STK39: variants seen among roughly 807,000 people sequenced by gnomAD.
STK39 encodes STE20/SPS1-related proline-alanine-rich protein kinase.
In STK39, 20 loss-of-function variants were observed where a neutral mutation model predicts 77.8. The observed-to-expected ratio is 0.26, with a 90% CI of 0.18 to 0.37. The LOEUF (loss-of-function observed/expected upper bound fraction) is 0.37. Ranked by LOEUF, STK39 falls within the 10% of genes least tolerant of loss-of-function variation. The probability of loss-of-function intolerance (pLI) is 1.00; values close to 1 mark genes in which losing one functional copy is unlikely to be tolerated. For missense variants in STK39, 479 were observed against 656.5 expected (o/e 0.73, Z 2.95); for synonymous variants, 246 against 234.1 (o/e 1.05, Z -0.47).
intron 2 of STK39, among the ~76,000 whole-genome samples, chr2:168,176,211 T>C (rs1322063624): frequency 6.6e-6 from 1 of 152,186 alleles, no homozygotes; most frequent in Non-Finnish European, 1.5e-5. Flanking sequence ...AATCACTATC[T>C]TTCTAGAATA....
At chr2:168,090,890 C>T (rs919672263) in intron 10 of STK39, among the ~76,000 whole-genome samples, 13 of 152,112 alleles carry the variant, frequency 8.5e-5, no homozygotes, top group Non-Finnish European at 1.3e-4. Flanking sequence ...GGGCCTTCCT[C>T]TAAGTATCTT....
chr2:168,068,493 T>C (rs976408796), intron 12 of STK39, among the ~76,000 whole-genome samples: 1 of 152,204 alleles, frequency 6.6e-6, no homozygotes, highest in Non-Finnish European at 1.5e-5. Flanking sequence ...TGGGGCTTAG[T>C]TGACAGTCAC....
chr2:168,235,810 T>C (rs1349660648), intron 1 of STK39, among the ~76,000 whole-genome samples: 1 of 152,120 alleles, frequency 6.6e-6, no homozygotes, highest in Non-Finnish European at 1.5e-5. Flanking sequence ...CTGCATAGTA[T>C]TCCATGGTGT....
chr2:168,161,319 TG>T (rs1688567738), intron 5 of STK39, among the ~76,000 whole-genome samples: 1 of 152,208 alleles, frequency 6.6e-6, no homozygotes, highest in African/African-American at 2.4e-5. Context: ...CTACCAGCTT[TG>T]TCAAGAATAG....
chr2:167,991,480 T>A (rs1427415640), intron 16 of STK39, among the ~76,000 whole-genome samples: 2 of 152,256 alleles, frequency 1.3e-5, no homozygotes, highest in East Asian at 1.9e-4. Context: ...ATGGGAATAT[T>A]CAAGAGCAAT....
At chr2:167,980,886 C>A (rs7584153) in intron 16 of STK39, among the ~76,000 whole-genome samples, 3 of 149,056 alleles carry the variant, frequency 2.0e-5, no homozygotes, top group African/African-American at 5.0e-5. Flanking sequence ...ATTTCTTCTT[C>A]TTCTTTTTTT....
chr2:168,223,745 C>A (rs1483684389), intron 1 of STK39, among the ~76,000 whole-genome samples: 1 of 151,990 alleles, frequency 6.6e-6, no homozygotes, highest in Non-Finnish European at 1.5e-5. Flanking sequence ...CCAACCCTCG[C>A]AGGAATGAGG....
chr2:168,138,322 A>C (rs1687890320), intron 7 of STK39, 101 bp from the exon 8 acceptor site: 1 of 1,424,468 alleles, frequency 7.0e-7, no homozygotes, highest in Admixed American at 2.3e-5. Context: ...CCTTGATTAG[A>C]TACAAAGTGC....
chr2:168,204,716 T>A (rs1274560776), intron 1 of STK39, among the ~76,000 whole-genome samples: 1 of 152,214 alleles, frequency 6.6e-6, no homozygotes, highest in Non-Finnish European at 1.5e-5. Flanking sequence ...CATGCTAGAG[T>A]CTGAATTAGG....
intron 14 of STK39, among the ~76,000 whole-genome samples, chr2:168,050,342 T>A (rs1179262601): frequency 6.6e-6 from 1 of 152,198 alleles, no homozygotes; most frequent in Non-Finnish European, 1.5e-5. Flanking sequence ...CTTTCTTTAG[T>A]GTCAGAATAA....
rs1456026784 is a variant in STK39, at chr2:167,954,533, G to C, written c.*963C>G. 1 of 152,728 alleles carries C rather than the reference G, an allele frequency of 6.5e-6. No homozygotes were observed. Among genetic ancestry groups the C allele is most frequent in the East Asian group, 1.9e-4 (1 of 5,188 alleles). 9.5% of individuals were successfully genotyped at this position (152,728 alleles called of 1,614,324 possible). A position where few individuals can be genotyped will look rare whatever the true frequency, so the allele number is the denominator to read the frequency against. ...TAACAAATCCTATCACTTAAGGAGA[G>C]CCAAATCAGAGATGGGTATATAGTT... On this transcript the variant is annotated 3_prime_UTR_variant, in exon 18 of 18. Coordinates refer to ENST00000355999, the MANE Select transcript of STK39 (RefSeq NM_013233.3).
chr2:168,217,680 T>C (rs985869945), intron 1 of STK39, among the ~76,000 whole-genome samples: 35 of 152,190 alleles, frequency 2.3e-4, no homozygotes, highest in African/African-American at 8.4e-4. Context: ...GAGTAATACC[T>C]AAGACAAAGT....
At chr2:168,150,346 C>A (rs767486566) in intron 5 of STK39, among the ~76,000 whole-genome samples, 20 of 152,178 alleles carry the variant, frequency 1.3e-4, no homozygotes, top group Non-Finnish European at 2.5e-4. Context: ...TCATATCCCA[C>A]ACAGAATTGT....
chr2:168,109,807 C>G (rs1000148928), intron 10 of STK39, among the ~76,000 whole-genome samples: 18 of 152,218 alleles, frequency 1.2e-4, no homozygotes, highest in Admixed American at 1.3e-4. Context: ...TTCTTAAATA[C>G]TAATGATGCT....
intron 10 of STK39, among the ~76,000 whole-genome samples, chr2:168,075,432 G>T (rs1686054771): frequency 6.6e-6 from 1 of 152,066 alleles, no homozygotes; most frequent in Non-Finnish European, 1.5e-5. Context: ...CAAAAATGCT[G>T]TGTTTTTTGA....
intron 2 of STK39, among the ~76,000 whole-genome samples, chr2:168,170,123 T>C (rs867001673): frequency 6.6e-6 from 1 of 152,206 alleles, no homozygotes; most frequent in Admixed American, 6.5e-5. Context: ...TATTTCCACA[T>C]AGAAGAAAGT....
intron 14 of STK39, among the ~76,000 whole-genome samples, chr2:168,052,331 T>C (rs1414801848): frequency 6.6e-6 from 1 of 152,240 alleles, no homozygotes; most frequent in Non-Finnish European, 1.5e-5. Context: ...AATCTTTTCA[T>C]GTCTTTATAT....
At chr2:168,230,087 T>TATATTC (rs1690415132) in intron 1 of STK39, among the ~76,000 whole-genome samples, 1 of 152,214 alleles carries the variant, frequency 6.6e-6, no homozygotes, top group Admixed American at 6.5e-5. Context: ...ACAAATATTG[T>TATATTC]ATATTCATCT....
chr2:168,158,859 C>T (rs1688500713), intron 5 of STK39, among the ~76,000 whole-genome samples: 1 of 152,148 alleles, frequency 6.6e-6, no homozygotes, highest in Non-Finnish European at 1.5e-5. Context: ...ATTTTATACC[C>T]ACGTTCAATA....
Sources: allele counts gnomAD v4.1 joint callset (sites outside exome capture counted in the v4.1 genomes callset), GRCh38; gene constraint gnomAD v4.1.1; transcripts MANE v1.5; gene names NCBI Gene and HGNC (gene_info 2026-07-23, HGNC 2026-07-21).